The following TTLL3 variants were observed in gnomAD, a reference collection of about 807,000 sequenced individuals.
The protein encoded by TTLL3 is tubulin tyrosine ligase like 3.
In TTLL3, 63 loss-of-function variants were observed where a neutral mutation model predicts 75.2. The ratio of observed to expected loss-of-function variants is 0.84; its 90% CI spans 0.68 to 1.03. The LOEUF (loss-of-function observed/expected upper bound fraction) is 1.03, where lower values mean the gene tolerates loss of function less well. Among genes scored for constraint, TTLL3 ranks in the 50% least tolerant of loss-of-function variants. The pLI is 0.00. For synonymous variants in TTLL3, 393 were observed against 418.5 expected, an observed-to-expected ratio of 0.94 and a Z score of 0.74; for missense variants, 997 against 1,069.9, an observed-to-expected ratio of 0.93 and a Z score of 0.95.
rs1265853670 is a variant in TTLL3, at chr3:9,810,380, CCT to C, written c.-52_-51del. 19 of 1,363,030 alleles carry C rather than the reference CCT, an allele frequency of 1.4e-5. No homozygotes were observed. The African/African-American group carries it at 3.1e-4, about 22-fold the overall frequency. The allele number at this position is 1,363,030 out of a possible 1,614,324, so 84.4% of individuals were successfully genotyped here. On this transcript the variant is annotated 5_prime_UTR_variant, in exon 1 of 14. Transcript: ENST00000685419. The surrounding 1 kb of genome is among the most constrained non-coding windows in gnomAD (Gnocchi z 4.4). Reference sequence around the variant, plus strand: ...CCCCCGCACACCCCGGTCCTCGACCCCTCTCCGCAGGATGGTGAGGCCCGTGC... The same window carrying C: ...CCCCCGCACACCCCGGTCCTCGACCCCTCCGCAGGATGGTGAGGCCCGTGC...
At position 9,827,019 on chromosome 3, in the gene TTLL3, G is replaced by T. The variant is rs780667281; in HGVS notation, c.1026G>T (p.Leu342=). ...TAGGCATCATGTGCATGGACCACCT[G>T]GAGGAGATGCTGAAGCTGGTGAACG... ...RGRGIMCMDH[L]EEMLKLVNGN... is the part of the protein sequence containing the mutation. The change falls in exon 10 of 14, where the codon CTG becomes CTT. Residue 342 remains leucine, a synonymous_variant. Transcript: ENST00000685419. 4 of 1,614,170 alleles carry T rather than the reference G, an allele frequency of 2.5e-6. No homozygotes were observed.
Position 9,835,137 on chromosome 3 carries a change from C to T in TTLL3, c.2096C>T (p.Pro699Leu), listed in dbSNP as rs1450874324. The T allele has an allele frequency of 1.9e-6, 3 of 1,613,834 alleles. No homozygotes were observed. The Admixed American group carries it at 5.0e-5, about 27-fold the overall frequency. Residue 699 changes from proline (P) to leucine (L), a missense_variant, in exon 14 of 14, where the codon CCT becomes CTT. Pro to Leu is a moderately conservative substitution (Grantham distance 98). Transcript: ENST00000685419. The stretch of plus-strand genomic sequence containing the variant: ...CTCCGAGGCCCCCAGCTGGAAGTGC[C>T]TTGTTGCCTCTGCCCTTTGAAGTCG... The part of the protein sequence containing the change: ...LCLRGPQLEV[P>L]CCLCPLKSEQ...
At position 9,820,698 on chromosome 3, in the gene TTLL3, G is replaced by C; in HGVS notation, c.811G>C (p.Glu271Gln). Residue 271 changes from glutamate (E) to glutamine (Q), a missense_variant, in exon 8 of 14, where the codon GAG becomes CAG. By Grantham distance (29) the Glu-to-Gln change is conservative (BLOSUM62 2). Transcript: ENST00000685419. ...DLEAPLYLTPEGWSLFLQRYY... is the reference protein window; with the variant it reads ...DLEAPLYLTPQGWSLFLQRYY... ...GGAGGCCCCGCTGTACCTCACCCCC[G>C]AGGGCTGGTCCCTCTTCCTCCAGCG... The C allele has an allele frequency of 5.0e-6, 8 of 1,614,126 alleles. No homozygotes were observed. The highest frequency in any genetic ancestry group is 6.8e-6 in the Non-Finnish European group (8 of 1,180,008).
At chr3:9,823,204 A>T (rs1469436770) in intron 8 of TTLL3, among the ~76,000 whole-genome samples, 1 of 152,012 alleles carries the variant, frequency 6.6e-6, no homozygotes, top group African/African-American at 2.4e-5. Context: ...TAACATGGTG[A>T]AACCCCATCT....
chr3:9,829,024 C>T lies in TTLL3; in HGVS notation c.1312C>T (p.Leu438=). The T allele has an allele frequency of 6.2e-7, 1 of 1,614,272 alleles. No individual in the cohort carries two copies. Among genetic ancestry groups the T allele is most frequent in the Non-Finnish European group, 8.5e-7 (1 of 1,180,056 alleles). The change falls in exon 11 of 14, where the codon CTG becomes TTG. Residue 438 remains leucine (L), a synonymous_variant. Transcript: ENST00000685419. ...HLENSCHRHP[L]LPPDNMWSSQ... The stretch of plus-strand genomic sequence containing the variant: ...GGAGAACTCATGCCATCGGCATCCA[C>T]TGCTTCCGCCAGACAACATGTGGTC...
At position 9,810,619 on chromosome 3, in the gene TTLL3, A is replaced by T. The variant is rs1353050722; in HGVS notation, c.-41-2A>T. The T allele has an allele frequency of 6.4e-7, 1 of 1,561,942 alleles. No homozygotes were observed. The highest frequency in any genetic ancestry group is 1.9e-5 in the Admixed American group (1 of 51,450). Reference sequence around the variant, plus strand: ...CCGCCCCTATTCCGCATCTTTCTGCAGGTTTCCCGGTCCTCTGGCGAGGAT... The same window carrying T: ...CCGCCCCTATTCCGCATCTTTCTGCTGGTTTCCCGGTCCTCTGGCGAGGAT... On this transcript the variant is annotated splice_acceptor_variant, in intron 1 of 13. Transcript: ENST00000685419. LOFTEE classifies it low-confidence loss of function (5UTR_SPLICE). This position sits in a 1 kb window ranked among gnomAD's most constrained non-coding sequence, Gnocchi z 4.4.
intron 13 of TTLL3, 72 bp from the exon 14 acceptor site, chr3:9,835,022 G>C: frequency 6.3e-7 from 1 of 1,593,878 alleles, no homozygotes; most frequent in Non-Finnish European, 8.5e-7. Flanking sequence ...GGGAAGAGCT[G>C]GTCTCCCTCA....
chr3:9,816,519 G>GTTTTTTTTT (rs1397485164), intron 5 of TTLL3, among the ~76,000 whole-genome samples: 1 of 36,150 alleles, frequency 2.8e-5, no homozygotes, highest in Non-Finnish European at 7.2e-5. Context: ...TCTTACCTGG[G>GTTTTTTTTT]TTTCTTTTTT....
In TTLL3 at chr3:9,825,873, G is replaced by C; in HGVS notation, c.928G>C (p.Val310Leu). ...GGACATCCTGCAGCAGCTGCAGGCC[G>C]TGGTACCCCAGATAGACATGGAAGG... ...CEDILQQLQA[V>L]VPQIDMEGDR... The change falls in exon 9 of 14, where the codon GTG (valine) becomes CTG (leucine). Residue 310 changes from valine (V) to leucine (L), a missense_variant. Physicochemically the swap from Val to Leu is conservative, Grantham distance 32. Coordinates refer to ENST00000685419, the MANE Select transcript of TTLL3 (RefSeq NM_001387446.1). The C allele has an allele frequency of 1.2e-6, 2 of 1,614,160 alleles. No individual in the cohort carries two copies. The highest frequency in any genetic ancestry group is 1.7e-6 in the Non-Finnish European group (2 of 1,180,020).
chr3:9,832,080 A>ATTTTTTTTT (rs34646268), intron 11 of TTLL3, among the ~76,000 whole-genome samples: 7 of 84,814 alleles, frequency 8.3e-5, no homozygotes, highest in Admixed American at 1.7e-4. Flanking sequence ...CAATAGCTGC[A>ATTTTTTTTT]TTTTTTTTTT....
intron 4 of TTLL3, among the ~76,000 whole-genome samples, chr3:9,815,842 C>T (rs1262994559): frequency 6.6e-6 from 1 of 152,238 alleles, no homozygotes; most frequent in African/African-American, 2.4e-5. Context: ...AGTCTTTGGC[C>T]TCCCTAAGGC....
chr3:9,813,404 G>A, intron 4 of TTLL3, 59 bp downstream of exon 4: 1 of 1,594,120 alleles, frequency 6.3e-7, no homozygotes, highest in Non-Finnish European at 8.6e-7. Context: ...GAGGGCATTG[G>A]TGTCCAGCTG....
intron 8 of TTLL3, 100 bp downstream of exon 8, chr3:9,820,841 T>C: frequency 6.7e-7 from 1 of 1,501,626 alleles, no homozygotes; most frequent in Non-Finnish European, 8.9e-7. Context: ...AGCCTCCCGC[T>C]CGTTTACCCC....
At chr3:9,828,558 G>A in intron 10 of TTLL3, 1 of 194,190 alleles carries the variant, frequency 5.1e-6, no homozygotes, top group Non-Finnish European at 1.1e-5. Flanking sequence ...CCATTTTGCA[G>A]ATGTGAAGAG....
At chr3:9,834,168 GTCACTCTGCCTCA>G in intron 12 of TTLL3, 1 of 304,788 alleles carries the variant, frequency 3.3e-6, no homozygotes, top group Non-Finnish European at 6.5e-6. Flanking sequence ...CTCCAAAGTA[GTCACTCTGCCTCA>G]CAGAGTGACT....
intron 10 of TTLL3, chr3:9,828,123 C>G (rs1040626466): frequency 8.9e-6 from 1 of 112,630 alleles, no homozygotes; most frequent in Non-Finnish European, 1.7e-5. Context: ...GCCTGGGTGA[C>G]AGATCAAGGA....
At chr3:9,811,756 T>A (rs1257455793) in intron 2 of TTLL3, among the ~76,000 whole-genome samples, 1 of 152,214 alleles carries the variant, frequency 6.6e-6, no homozygotes, top group African/African-American at 2.4e-5. Context: ...CCCCATCATT[T>A]TCCATGTTCC....
In TTLL3 at chr3:9,825,824, C is replaced by T. The variant is rs780165533; in HGVS notation, c.879C>T (p.Leu293=). ...VVHEGAELRH[L]DTQVQRCEDI... ...GCGAAGGGGCAGAACTCAGGCACCT[C>T]GACACTCAGGTCCAGCGCTGTGAGG... Residue 293 remains leucine (L), a synonymous_variant, in exon 9 of 14, where the codon CTC becomes CTT. Coordinates refer to ENST00000685419, the MANE Select transcript of TTLL3 (RefSeq NM_001387446.1). 13 of 1,614,020 alleles carry T rather than the reference C, an allele frequency of 8.1e-6. No individual in the cohort carries two copies. The East Asian group carries it at 2.2e-4, about 28-fold the overall frequency.
At chr3:9,825,481 GAATGATTA>G in intron 8 of TTLL3, 1 of 391,924 alleles carries the variant, frequency 2.6e-6, no homozygotes, top group South Asian at 2.1e-5. Flanking sequence ...TTAGGAACTG[GAATGATTA>G]AATTCTGTCA....
Sources: gnomAD v4.1 joint callset for allele counts (sites outside exome capture counted in the v4.1 genomes callset) on GRCh38, gnomAD v4.1.1 for gene constraint, Gnocchi (gnomAD v3.1) non-coding constraint, MANE v1.5 for transcripts, NCBI Gene and HGNC (gene_info 2026-07-23, HGNC 2026-07-21) for gene names.